Variants in ASB2 observed in about 807,000 individuals in gnomAD.
ASB2 encodes the protein ankyrin repeat and SOCS box containing 2, also known as ankyrin repeat and SOCS box protein 2.
In ASB2, 58 loss-of-function variants were observed where a neutral mutation model predicts 62.4. The observed-to-expected ratio is 0.93, with a 90% CI of 0.75 to 1.16. ASB2 has a LOEUF of 1.16. Among genes scored for constraint, ASB2 ranks in the 50% most tolerant of loss-of-function variants. The pLI, the probability that ASB2 is intolerant of heterozygous loss-of-function variation, is 0.00. For synonymous variants in ASB2, 386 were observed against 385.3 expected, an observed-to-expected ratio of 1.00 and a Z score of -0.02; for missense variants, 928 against 887.9, an observed-to-expected ratio of 1.05 and a Z score of -0.57.
chr14:93,942,074 G>A (rs2141276899), intron 7 of ASB2: 2 of 435,230 alleles, frequency 4.6e-6, no homozygotes, highest in Non-Finnish European at 4.7e-6. Context: ...AACTATGGGA[G>A]CGGCCACGTT....
At position 93,934,377 on chromosome 14, in the gene ASB2, A is replaced by G; in HGVS notation, c.*279T>C. The G allele has an allele frequency of 2.2e-6, 1 of 448,950 alleles. No homozygotes were observed. Among genetic ancestry groups the G allele is most frequent in the Non-Finnish European group, 4.1e-6 (1 of 242,516 alleles). 27.8% of individuals were successfully genotyped at this position (448,950 alleles called of 1,614,324 possible). On this transcript the variant is annotated 3_prime_UTR_variant, in exon 10 of 10. Transcript: ENST00000555019. ...ACACCTCAAGCTCTGCCCTGGCCCC[A>G]GGAATAGAGGTTTCTGCCATTCCTG... is the stretch of plus-strand genomic sequence containing the variant.
At position 93,944,125 on chromosome 14, in the gene ASB2, C is replaced by A. The variant is rs541393723; in HGVS notation, c.1052+3224G>T. On this transcript the variant is annotated intron_variant, in intron 7 of 9. Transcript: ENST00000555019. ...CTTGAAGCCTCAGCCACGGCCCAGA[C>A]CAGCGGCAGCGCCATCTCGTCAGGT... 2.6e-4 allele frequency: 103 copies of A among 396,970 alleles called. 1 individual carries two copies. Among genetic ancestry groups the A allele is most frequent in the South Asian group, 1.8e-3 (101 of 55,360 alleles). The allele number at this position is 396,970 out of a possible 1,614,324, so 24.6% of individuals were successfully genotyped here.
chr14:93,954,901 G>A (rs1411160713), intron 3 of ASB2, among the ~76,000 whole-genome samples: 1 of 151,974 alleles, frequency 6.6e-6, no homozygotes, highest in South Asian at 2.1e-4. Context: ...TTGCCCTGTC[G>A]CTTATTCCTA....
chr14:93,946,301 G>A (rs1049337551), intron 7 of ASB2, among the ~76,000 whole-genome samples: 2 of 152,354 alleles, frequency 1.3e-5, no homozygotes, highest in African/African-American at 4.8e-5. Context: ...GCTCACATGG[G>A]AGGCAGATGA....
chr14:93,952,661 G>T (rs1409976180), intron 5 of ASB2, among the ~76,000 whole-genome samples: 1 of 152,166 alleles, frequency 6.6e-6, no homozygotes, highest in Non-Finnish European at 1.5e-5. Flanking sequence ...GTGATCCTGG[G>T]CGACCCATTT....
chr14:93,942,068 A>G (rs980491962), intron 7 of ASB2: 3 of 432,138 alleles, frequency 6.9e-6, no homozygotes, highest in Non-Finnish European at 1.4e-5. Context: ...CCTCCCAACT[A>G]TGGGAGCGGC....
At chr14:93,942,251 G>A (rs1266210912) in intron 7 of ASB2, 2 of 456,116 alleles carry the variant, frequency 4.4e-6, no homozygotes, top group Admixed American at 4.7e-5. Context: ...CTCATGAAGA[G>A]GAACAAAGGT....
chr14:93,957,407 A>G (rs1202113888), intron 2 of ASB2: 1 of 1,012,954 alleles, frequency 9.9e-7, no homozygotes, highest in African/African-American at 1.7e-5. Context: ...GTAGGAGCAG[A>G]CACTATAGTA....
At chr14:93,966,281 G>A (rs930168377) in intron 1 of ASB2, among the ~76,000 whole-genome samples, 7 of 152,242 alleles carry the variant, frequency 4.6e-5, no homozygotes, top group African/African-American at 1.7e-4. Flanking sequence ...CCATGGATGA[G>A]TCATGACTGC....
intron 3 of ASB2, chr14:93,955,033 T>G: frequency 2.2e-6 from 1 of 456,892 alleles, no homozygotes; most frequent in South Asian, 1.5e-5. Flanking sequence ...AAGCCGTTCC[T>G]TGCTTGGCTT....
chr14:93,970,921 G>A (rs938048483), intron 1 of ASB2, among the ~76,000 whole-genome samples: 7 of 152,158 alleles, frequency 4.6e-5, no homozygotes, highest in African/African-American at 1.4e-4. Context: ...GCACACAGCC[G>A]GTGGCCCCTA....
intron 9 of ASB2, 53 bp downstream of exon 9, chr14:93,937,643 ACT>A (rs1297542983): frequency 1.3e-6 from 2 of 1,567,810 alleles, no homozygotes; most frequent in Non-Finnish European, 1.7e-6. Context: ...GAGGCCTGGG[ACT>A]CTGAGTCAGG....
At chr14:93,949,000 A>G (rs1484802645) in intron 6 of ASB2, among the ~76,000 whole-genome samples, 1 of 152,242 alleles carries the variant, frequency 6.6e-6, no homozygotes, top group East Asian at 1.9e-4. Flanking sequence ...AGGAGGAATC[A>G]GGCCTGGTGA....
chr14:93,975,733 C>T (rs1284392809), intron 1 of ASB2, among the ~76,000 whole-genome samples: 2 of 152,336 alleles, frequency 1.3e-5, no homozygotes, highest in East Asian at 3.9e-4. Context: ...GACTTCCCTG[C>T]CTTTGCCCAA....
intron 2 of ASB2, among the ~76,000 whole-genome samples, chr14:93,958,661 G>A (rs1229063865): frequency 6.6e-6 from 1 of 152,184 alleles, no homozygotes; most frequent in Non-Finnish European, 1.5e-5. Context: ...CCTGACAGCT[G>A]CTGGGTTCAG....
chr14:93,935,532 G>A (rs1025727581), intron 9 of ASB2, among the ~76,000 whole-genome samples: 1 of 152,234 alleles, frequency 6.6e-6, no homozygotes, highest in African/African-American at 2.4e-5. Context: ...AGAGGCTCTA[G>A]TGGAGGCTTC....
At chr14:93,945,995 A>G (rs1302259187) in intron 7 of ASB2, among the ~76,000 whole-genome samples, 2 of 152,246 alleles carry the variant, frequency 1.3e-5, no homozygotes, top group Non-Finnish European at 2.9e-5. Flanking sequence ...TAAATGGATA[A>G]CATACTAGTG....
At chr14:93,936,361 G>T (rs1595297193) in intron 9 of ASB2, among the ~76,000 whole-genome samples, 2 of 152,336 alleles carry the variant, frequency 1.3e-5, no homozygotes, top group African/African-American at 4.8e-5. Flanking sequence ...CTGGGGCATG[G>T]TTTAGTTGTG....
At position 93,939,303 on chromosome 14, in the gene ASB2, G is replaced by A; in HGVS notation, c.1422C>T (p.His474=). 1.2e-6 allele frequency: 2 copies of A among 1,609,640 alleles called. No individual in the cohort carries two copies. Among genetic ancestry groups the A allele is most frequent in the Non-Finnish European group, 1.7e-6 (2 of 1,176,994 alleles). Reference sequence around the variant, plus strand: ...TGATGGTGGCGGGGAAGGCGGTGGGGTGCGTGGCGATATAGGCGTCGATGT... The same window carrying A: ...TGATGGTGGCGGGGAAGGCGGTGGGATGCGTGGCGATATAGGCGTCGATGT... ...GANIDAYIAT[H]PTAFPATIMF... The change falls in exon 8 of 10, where the codon CAC becomes CAT. Residue 474 remains histidine, a synonymous_variant. Transcript: ENST00000555019.
Sources: allele counts gnomAD v4.1 joint callset (sites outside exome capture counted in the v4.1 genomes callset), GRCh38; gene constraint gnomAD v4.1.1; transcripts MANE v1.5; gene names NCBI Gene and HGNC (gene_info 2026-07-23, HGNC 2026-07-21).